CLUL1: variants seen among roughly 807,000 people sequenced by gnomAD.
CLUL1 encodes clusterin-like protein 1.
In CLUL1, 43 loss-of-function variants were observed where a neutral mutation model predicts 49.4. The observed-to-expected ratio is 0.87, with a 90% CI of 0.68 to 1.12. The LOEUF is 1.12. CLUL1 is among the 50% of genes most tolerant of loss of function. CLUL1 has a pLI of 0.00. For missense variants in CLUL1, 486 were observed against 544.4 expected (o/e 0.89, Z 1.07); for synonymous variants, 192 against 184.9 (o/e 1.04, Z -0.31).
At chr18:626,734 A>G (rs968075955) in intron 5 of CLUL1, among the ~76,000 whole-genome samples, 7 of 149,906 alleles carry the variant, frequency 4.7e-5, no homozygotes. Flanking sequence ...GGCGGTGTGC[A>G]ACTGTAATCC....
At position 626,939 on chromosome 18, in the gene CLUL1, GAAA is replaced by G. The variant is rs1567966769; in HGVS notation, c.424-157_424-155del. On this transcript the variant is annotated intron_variant, in intron 5 of 9. Transcript: ENST00000692774. ...AGAAAGAAAGAAAGAAGGAAAGAAG[GAAA>G]GAAGGAAGGAAGGAAGGAAGGAAGG... Among the ~76,000 whole-genome samples the G allele has an allele frequency of 4.1e-3, 9 of 2,214 alleles. 2 individuals are homozygous for G. The highest frequency in any genetic ancestry group is 5.7e-3 in the African/African-American group (9 of 1,588). The allele number at this position is 2,214 out of a possible 152,430, so 1.5% of individuals were successfully genotyped here. A position where few individuals can be genotyped will look rare whatever the true frequency, so the allele number is the denominator to read the frequency against.
At chr18:632,017 A>T (rs2074005634) in intron 6 of CLUL1, among the ~76,000 whole-genome samples, 1 of 152,166 alleles carries the variant, frequency 6.6e-6, no homozygotes, top group South Asian at 2.1e-4. Flanking sequence ...CTGTTTTTAA[A>T]CTATGGACTT....
chr18:627,231 G>C lies in CLUL1; in HGVS notation c.558G>C (p.Gln186His). ...CCCAAATGGAGGATGTGTTCAGCCA[G>C]TTGACTGTGGATGTGAATTCTCTCT... ...QLTQMEDVFS[Q>H]LTVDVNSLFN... The change falls in exon 6 of 10, where the codon CAG (glutamine) becomes CAC (histidine). Residue 186 changes from glutamine to histidine, a missense_variant. Physicochemically the swap from Gln to His is conservative, Grantham distance 24. Transcript: ENST00000692774. 1 of 1,614,014 alleles carries C rather than the reference G, an allele frequency of 6.2e-7. No homozygotes were observed. The highest frequency in any genetic ancestry group is 8.5e-7 in the Non-Finnish European group (1 of 1,180,010).
intron 7 of CLUL1, among the ~76,000 whole-genome samples, chr18:634,100 C>T (rs1182168075): frequency 1.3e-5 from 2 of 152,096 alleles, no homozygotes; most frequent in Admixed American, 6.6e-5. Flanking sequence ...TCATTTCCAT[C>T]TGGGGGCGTT....
intron 6 of CLUL1, among the ~76,000 whole-genome samples, chr18:628,074 G>A (rs552258769): frequency 5.9e-5 from 9 of 152,304 alleles, no homozygotes; most frequent in Non-Finnish European, 1.2e-4. Context: ...TGATCCACCC[G>A]CCTTGGCCTC....
intron 9 of CLUL1, 59 bp downstream of exon 9, chr18:645,156 G>A: frequency 1.1e-5 from 15 of 1,320,488 alleles, no homozygotes; most frequent in Middle Eastern, 1.9e-4. Context: ...TTCTCAAAAG[G>A]GAAAAACAAA....
At chr18:619,140 A>G in intron 3 of CLUL1, 73 bp from the exon 4 acceptor site, 1 of 1,410,680 alleles carries the variant, frequency 7.1e-7, no homozygotes. Flanking sequence ...TTTTGGAGAC[A>G]TGAAAGGTTG....
chr18:620,154 T>G (rs1401004813), intron 4 of CLUL1, among the ~76,000 whole-genome samples: 1 of 152,196 alleles, frequency 6.6e-6, no homozygotes, highest in Non-Finnish European at 1.5e-5. Context: ...TAAGGTGAGA[T>G]TCATCATTAG....
chr18:645,622 C>CCG (rs1567979237), intron 9 of CLUL1, among the ~76,000 whole-genome samples: 6 of 150,234 alleles, frequency 4.0e-5, no homozygotes, highest in African/African-American at 1.2e-4. Context: ...GGAGAAACTG[C>CCG]GTCTCTACTA....
chr18:605,076 A>G (rs1401619044), intron 1 of CLUL1, among the ~76,000 whole-genome samples: 1 of 152,230 alleles, frequency 6.6e-6, no homozygotes, highest in Non-Finnish European at 1.5e-5. Context: ...CCTTTCAACA[A>G]TACTAAAGAC....
At chr18:639,092 C>T (rs988097047) in intron 7 of CLUL1, among the ~76,000 whole-genome samples, 10 of 152,040 alleles carry the variant, frequency 6.6e-5, no homozygotes, top group African/African-American at 2.4e-4. Flanking sequence ...TTTTACATTT[C>T]GATTTTTGCA....
intron 2 of CLUL1, among the ~76,000 whole-genome samples, chr18:608,947 T>A (rs914053747): frequency 2.6e-5 from 4 of 152,104 alleles, no homozygotes; most frequent in African/African-American, 9.7e-5. Flanking sequence ...ATCCACAGAG[T>A]CAGCACACAA....
intron 1 of CLUL1, among the ~76,000 whole-genome samples, chr18:602,832 AT>A (rs1323323089): frequency 6.6e-6 from 1 of 152,202 alleles, no homozygotes; most frequent in Non-Finnish European, 1.5e-5. Flanking sequence ...AGGAGGGAAA[AT>A]AAACTACTGT....
At chr18:608,849 TG>T (rs796796404) in intron 2 of CLUL1, among the ~76,000 whole-genome samples, 12 of 152,366 alleles carry the variant, frequency 7.9e-5, no homozygotes, top group African/African-American at 2.9e-4. Flanking sequence ...TAAGGCCTGT[TG>T]ATCTATTTAT....
intron 4 of CLUL1, among the ~76,000 whole-genome samples, chr18:623,644 CAAAAAAAAAAAA>C (rs59558949): frequency 1.4e-5 from 1 of 71,102 alleles, no homozygotes; most frequent in African/African-American, 5.4e-5. Flanking sequence ...GACTCTGTCT[CAAAAAAAAAAAA>C]AAAAAAAAAA....
intron 4 of CLUL1, among the ~76,000 whole-genome samples, chr18:624,235 C>T (rs1384949313): frequency 6.6e-6 from 1 of 151,820 alleles, no homozygotes; most frequent in Non-Finnish European, 1.5e-5. Flanking sequence ...AAGAACAAAG[C>T]TTGTTTATAT....
chr18:648,702 G>T (rs1401014969), intron 9 of CLUL1, among the ~76,000 whole-genome samples: 1 of 152,046 alleles, frequency 6.6e-6, no homozygotes, highest in Non-Finnish European at 1.5e-5. Flanking sequence ...TGTTGCCCAG[G>T]CAGGATTGCA....
chr18:642,663 G>A (rs2074376528), intron 8 of CLUL1, among the ~76,000 whole-genome samples: 1 of 152,192 alleles, frequency 6.6e-6, no homozygotes, highest in African/African-American at 2.4e-5. Context: ...TTACTGGGCA[G>A]AGCAATTGAA....
At chr18:647,768 C>T (rs1011015950) in intron 9 of CLUL1, among the ~76,000 whole-genome samples, 2 of 152,112 alleles carry the variant, frequency 1.3e-5, no homozygotes, top group East Asian at 1.9e-4. Flanking sequence ...CCTCTTCTAC[C>T]CATAAACTAG....
Sources: gnomAD v4.1 joint callset for allele counts (sites outside exome capture counted in the v4.1 genomes callset) on GRCh38, gnomAD v4.1.1 for gene constraint, MANE v1.5 for transcripts, NCBI Gene and HGNC (gene_info 2026-07-23, HGNC 2026-07-21) for gene names.